The following JAK1 variants were observed in gnomAD, a reference collection of about 807,000 sequenced individuals.
JAK1 encodes the protein tyrosine-protein kinase JAK1.
JAK1 carries 16 observed loss-of-function variants against 136.6 expected under a neutral mutation model. The ratio of observed to expected loss-of-function variants is 0.12; its 90% CI spans 0.08 to 0.18. JAK1 has a LOEUF of 0.18. JAK1 is among the 10% of genes least tolerant of loss of function. The probability of loss-of-function intolerance (pLI) is 1.00; values close to 1 mark genes in which losing one functional copy is unlikely to be tolerated. For synonymous variants in JAK1, 492 were observed against 519.5 expected (o/e 0.95, Z 0.72); for missense variants, 859 against 1,450.1 (o/e 0.59, Z 6.62).
intron 1 of JAK1, among the ~76,000 whole-genome samples, chr1:64,955,722 A>G (rs564636121): frequency 6.6e-5 from 10 of 152,366 alleles, no homozygotes; most frequent in Non-Finnish European, 1.2e-4. Context: ...ATGTCTGCAC[A>G]TGGACATAGA....
At chr1:64,929,722 A>G (rs1645654606) in intron 1 of JAK1, among the ~76,000 whole-genome samples, 1 of 152,234 alleles carries the variant, frequency 6.6e-6, no homozygotes, top group African/African-American at 2.4e-5. Flanking sequence ...TGAACTTATA[A>G]GATTAATCTC....
chr1:64,843,966 A>G lies in JAK1; in HGVS notation c.2403+98T>C, dbSNP rs958322750. ...CGTGAAGAGATTCAAACCCATGCCC[A>G]TCTCTTCCCACAGTGCCAGGCTTCC... On this transcript the variant is annotated intron_variant, in intron 17 of 24. Coordinates refer to ENST00000342505, the MANE Select transcript of JAK1 (RefSeq NM_002227.4). 3 of 1,400,816 alleles carry G rather than the reference A, an allele frequency of 2.1e-6. No individual in the cohort carries two copies. In the African/African-American group the frequency reaches 4.3e-5, roughly 20 times the overall value. 86.8% of individuals were successfully genotyped at this position (1,400,816 alleles called of 1,614,324 possible). A position where few individuals can be genotyped will look rare whatever the true frequency, so the allele number is the denominator to read the frequency against.
In JAK1 at chr1:64,922,923, C is replaced by T. The variant is rs151321152; in HGVS notation, c.-77-36582G>A. On this transcript the variant is annotated intron_variant, in intron 1 of 24. Transcript: ENST00000342505. ...CATTTCTGCATCTCTAGTATCAATT[C>T]GCTCTCACCTAACTGTTGTCAAGGA... 1.5e-3 allele frequency among the ~76,000 whole-genome samples: 235 copies of T among 152,240 alleles called. 1 individual carries two copies. The highest frequency in any genetic ancestry group is 5.4e-3 in the African/African-American group (226 of 41,552).
intron 1 of JAK1, among the ~76,000 whole-genome samples, chr1:65,065,052 C>T (rs144359330): frequency 6.6e-6 from 1 of 152,284 alleles, no homozygotes; most frequent in East Asian, 1.9e-4. Context: ...CTTCTCACTC[C>T]CCATGTCAAA....
At chr1:64,860,826 C>G (rs868128817) in intron 8 of JAK1, among the ~76,000 whole-genome samples, 50 of 120,658 alleles carry the variant, frequency 4.1e-4, no homozygotes, top group African/African-American at 1.3e-3. Context: ...TCAGATGACT[C>G]TGTGTGTGTG....
chr1:65,007,947 G>A (rs1424354771), intron 2 of JAK1, among the ~76,000 whole-genome samples: 2 of 151,996 alleles, frequency 1.3e-5, no homozygotes. Flanking sequence ...GTTTTACCAT[G>A]TTGTACAGGC....
intron 19 of JAK1, among the ~76,000 whole-genome samples, chr1:64,840,458 A>G (rs923105217): frequency 1.3e-5 from 2 of 152,100 alleles, no homozygotes; most frequent in Non-Finnish European, 2.9e-5. Context: ...GTCACAATTA[A>G]CTGTTTGGAA....
At chr1:64,880,245 AAC>A (rs1464920826) in intron 3 of JAK1, among the ~76,000 whole-genome samples, 4 of 152,238 alleles carry the variant, frequency 2.6e-5, no homozygotes, top group Admixed American at 1.3e-4. Flanking sequence ...AAGCAATATG[AAC>A]AGTTACCCTT....
intron 14 of JAK1, 32 bp downstream of exon 14, chr1:64,846,617 C>T (rs1180380042): frequency 6.4e-7 from 1 of 1,561,396 alleles, no homozygotes; most frequent in Non-Finnish European, 8.8e-7. Context: ...CCCAGCCAGG[C>T]CACCCACCCC....
At chr1:65,039,582 C>A (rs577165857) in intron 2 of JAK1, among the ~76,000 whole-genome samples, 12 of 152,144 alleles carry the variant, frequency 7.9e-5, no homozygotes, top group African/African-American at 2.2e-4. Context: ...GACTCTTTTA[C>A]ACTATATTCT....
At chr1:64,904,828 A>G (rs1270094244) in intron 1 of JAK1, among the ~76,000 whole-genome samples, 3 of 152,194 alleles carry the variant, frequency 2.0e-5, no homozygotes, top group Admixed American at 2.0e-4. Context: ...GATTAGACTA[A>G]AACAGTGTTC....
chr1:64,858,519 T>C (rs1204168952), intron 9 of JAK1, among the ~76,000 whole-genome samples: 1 of 152,232 alleles, frequency 6.6e-6, no homozygotes, highest in African/African-American at 2.4e-5. Flanking sequence ...ATTGATTCTT[T>C]GGTTTAATCA....
At chr1:65,011,553 A>G (rs756292333) in intron 2 of JAK1, among the ~76,000 whole-genome samples, 11 of 152,324 alleles carry the variant, frequency 7.2e-5, no homozygotes, top group South Asian at 4.1e-4. Context: ...AGCCAGAAAA[A>G]AGGTGAGAAA....
At chr1:65,017,317 A>C (rs956427241) in intron 2 of JAK1, among the ~76,000 whole-genome samples, 1 of 151,988 alleles carries the variant, frequency 6.6e-6, no homozygotes, top group Non-Finnish European at 1.5e-5. Context: ...AAAAATATAA[A>C]AATTAGCTGG....
intron 1 of JAK1, among the ~76,000 whole-genome samples, chr1:65,045,438 G>T (rs1647175625): frequency 6.6e-6 from 1 of 152,194 alleles, no homozygotes; most frequent in Admixed American, 6.5e-5. Flanking sequence ...CTGGGAGAGT[G>T]GCAGTTAGAG....
At chr1:64,836,253 G>A (rs371876987) in intron 22 of JAK1, 38 bp from the exon 23 acceptor site, 2 of 1,176,750 alleles carry the variant, frequency 1.7e-6, no homozygotes, top group Non-Finnish European at 1.3e-6. Flanking sequence ...CATTTCCTGG[G>A]AGGCACACTC....
At chr1:65,029,453 C>T (rs1163267867) in intron 2 of JAK1, among the ~76,000 whole-genome samples, 2 of 152,160 alleles carry the variant, frequency 1.3e-5, no homozygotes, top group African/African-American at 2.4e-5. Flanking sequence ...CCCAGCAATC[C>T]CATTACTGGG....
intron 1 of JAK1, among the ~76,000 whole-genome samples, chr1:64,897,945 T>G (rs368390764): frequency 2.0e-5 from 3 of 152,192 alleles, no homozygotes; most frequent in African/African-American, 7.2e-5. Context: ...ATATAGGCAC[T>G]GTACATTGAG....
At chr1:64,958,159 G>A (rs1007307801) in intron 1 of JAK1, among the ~76,000 whole-genome samples, 2 of 152,250 alleles carry the variant, frequency 1.3e-5, no homozygotes, top group African/African-American at 4.8e-5. Flanking sequence ...GAACAAACAT[G>A]AAAACCTAAG....
Sources: gnomAD v4.1 joint callset for allele counts (sites outside exome capture counted in the v4.1 genomes callset) on GRCh38, gnomAD v4.1.1 for gene constraint, MANE v1.5 for transcripts, NCBI Gene and HGNC (gene_info 2026-07-23, HGNC 2026-07-21) for gene names.